Variants in PRCC observed in about 807,000 individuals in gnomAD.
PRCC encodes proline-rich protein PRCC.
In PRCC, 10 loss-of-function variants were observed where a neutral mutation model predicts 44.0. The observed-to-expected ratio is 0.23, with a 90% CI of 0.14 to 0.39. PRCC has a LOEUF of 0.39. Ranked by LOEUF, PRCC falls within the 10% of genes least tolerant of loss-of-function variation. The pLI is 1.00. For missense variants in PRCC, 573 were observed against 624.7 expected (o/e 0.92, Z 0.88); for synonymous variants, 278 against 259.5 (o/e 1.07, Z -0.69).
At chr1:156,789,759 C>G (rs1354443281) in intron 3 of PRCC, among the ~76,000 whole-genome samples, 1 of 152,156 alleles carries the variant, frequency 6.6e-6, no homozygotes, top group Non-Finnish European at 1.5e-5. Context: ...CAGAGCAACT[C>G]AAAGCGTTGC....
intron 5 of PRCC, among the ~76,000 whole-genome samples, 186 bp downstream of exon 5, chr1:156,794,994 C>T (rs1414594579): frequency 6.6e-6 from 1 of 152,142 alleles, no homozygotes; most frequent in African/African-American, 2.4e-5. Flanking sequence ...TAGAACTTTG[C>T]AGGACTTTAA....
At chr1:156,786,463 G>C in intron 2 of PRCC, 145 bp from the exon 3 acceptor site, 1 of 817,016 alleles carries the variant, frequency 1.2e-6, no homozygotes, top group Non-Finnish European at 1.9e-6. Context: ...TAGGTGGTCT[G>C]AGTGGACGGA....
At chr1:156,797,916 A>C (rs571893425) in intron 6 of PRCC, among the ~76,000 whole-genome samples, 1 of 152,326 alleles carries the variant, frequency 6.6e-6, no homozygotes, top group African/African-American at 2.4e-5. Flanking sequence ...CCAGCACCCT[A>C]AACAGTCAAA....
chr1:156,786,738 A>C lies in PRCC; in HGVS notation c.647A>C (p.Lys216Thr), dbSNP rs1311752988. 18 of 1,614,132 alleles carry C rather than the reference A, an allele frequency of 1.1e-5. No homozygotes were observed. The highest frequency in any genetic ancestry group is 1.5e-5 in the Non-Finnish European group (18 of 1,180,022). ...RKPSDGSPDT[K>T]PSRLASKTKT... ...CCCTCGGATGGCTCCCCTGATACTA[A>C]GCCCTCCAGACTGGCTTCTAAGACC... The change falls in exon 3 of 7, where the codon AAG (lysine) becomes ACG (threonine). Residue 216 changes from lysine to threonine, a missense_variant. Transcript: ENST00000271526.
intron 1 of PRCC, among the ~76,000 whole-genome samples, chr1:156,775,487 A>ATT (rs371221091): frequency 2.4e-3 from 356 of 150,204 alleles, no homozygotes; most frequent in African/African-American, 8.1e-3. Flanking sequence ...AGTAGCTGGG[A>ATT]TTACAGGCAC....
chr1:156,796,250 TAGC>T lies in PRCC; in HGVS notation c.1324-1021_1324-1019del, dbSNP rs1208539516. On this transcript the variant is annotated intron_variant, in intron 5 of 6. Coordinates refer to ENST00000271526, the MANE Select transcript of PRCC (RefSeq NM_005973.5). ...AACTGTCACATTAAATGACATTAAA[TAGC>T]AGCAAGCAATTAGTATTTGCTATTT... The T allele has an allele frequency of 3.9e-5, 6 of 152,372 alleles. No individual in the cohort carries two copies. In the East Asian group the frequency reaches 7.7e-4, roughly 20 times the overall value. 9.4% of individuals were successfully genotyped at this position (152,372 alleles called of 1,614,324 possible).
chr1:156,776,719 G>A (rs1408604454), intron 1 of PRCC, among the ~76,000 whole-genome samples: 2 of 152,114 alleles, frequency 1.3e-5, no homozygotes, highest in African/African-American at 4.8e-5. Flanking sequence ...GGTAAAATTT[G>A]TTTATTTCAG....
At chr1:156,789,731 A>C (rs1652411339) in intron 3 of PRCC, among the ~76,000 whole-genome samples, 1 of 152,234 alleles carries the variant, frequency 6.6e-6, no homozygotes, top group Non-Finnish European at 1.5e-5. Flanking sequence ...CAGATTCTTC[A>C]GGTGTAAAAT....
At chr1:156,768,754 G>A (rs1015692171) in intron 1 of PRCC, among the ~76,000 whole-genome samples, 1 of 152,182 alleles carries the variant, frequency 6.6e-6, no homozygotes, top group African/African-American at 2.4e-5. Context: ...TATTTGTTTA[G>A]TGCAGATCAT....
At chr1:156,800,294 T>G (rs1652791716) in intron 6 of PRCC, 80 bp from the exon 7 acceptor site, 2 of 1,329,890 alleles carry the variant, frequency 1.5e-6, no homozygotes, top group African/African-American at 2.9e-5. Context: ...GATTTTAAAT[T>G]GGGAAGCTCA....
intron 2 of PRCC, among the ~76,000 whole-genome samples, chr1:156,782,848 C>A (rs905842871): frequency 6.6e-6 from 1 of 152,120 alleles, no homozygotes; most frequent in South Asian, 2.1e-4. Flanking sequence ...GGAACTTGCC[C>A]AAGATCAGAC....
At chr1:156,780,823 G>A (rs1334115685) in intron 1 of PRCC, among the ~76,000 whole-genome samples, 2 of 151,784 alleles carry the variant, frequency 1.3e-5, no homozygotes, top group African/African-American at 4.8e-5. Flanking sequence ...TGCTTCCGCG[G>A]TTCAAGCATT....
At chr1:156,789,853 G>A (rs111408982) in intron 3 of PRCC, among the ~76,000 whole-genome samples, 3,400 of 152,308 alleles carry the variant, frequency 0.022, 52 homozygotes, top group Non-Finnish European at 0.034. Context: ...TTTTATTCAC[G>A]TTGTATTCAC....
intron 2 of PRCC, among the ~76,000 whole-genome samples, chr1:156,782,774 T>G (rs941145295): frequency 6.6e-6 from 1 of 152,214 alleles, no homozygotes; most frequent in Non-Finnish European, 1.5e-5. Context: ...TTAATTGATT[T>G]CATCCTCATG....
chr1:156,800,578 C>A lies in PRCC; in HGVS notation c.*118C>A. ...GGATCTCTTTCCCCAAGGACCCAGC[C>A]CTCGCCTCTGCGAGAATGAACATAT... is the stretch of plus-strand genomic sequence containing the variant. On this transcript the variant is annotated 3_prime_UTR_variant, in exon 7 of 7. Coordinates refer to ENST00000271526, the MANE Select transcript of PRCC (RefSeq NM_005973.5). 1 of 987,390 alleles carries A rather than the reference C, an allele frequency of 1.0e-6. No individual in the cohort carries two copies. The highest frequency in any genetic ancestry group is 1.6e-6 in the Non-Finnish European group (1 of 639,288). 61.2% of individuals were successfully genotyped at this position (987,390 alleles called of 1,614,324 possible). A position where few individuals can be genotyped will look rare whatever the true frequency, so the allele number is the denominator to read the frequency against.
intron 4 of PRCC, 74 bp downstream of exon 4, chr1:156,791,866 T>TA (rs1326161685): frequency 3.7e-6 from 5 of 1,368,434 alleles, no homozygotes; most frequent in South Asian, 2.5e-5. Flanking sequence ...CAAAGGAAAT[T>TA]AAAAAAACAC....
chr1:156,784,227 G>A (rs1029952243), intron 2 of PRCC, among the ~76,000 whole-genome samples: 1 of 152,162 alleles, frequency 6.6e-6, no homozygotes, highest in Admixed American at 6.5e-5. Context: ...AATTATAGGC[G>A]TGAGCCACCG....
rs920985356 is a variant in PRCC, at chr1:156,767,838, G to A, written c.67G>A (p.Glu23Lys). ...GGATGAGGCTGAGCCCGAGCCGGAG[G>A]AAGAGGAGGCGGTGGCTCCTACATC... The part of the protein sequence containing the change: ...EPDEAEPEPE[E>K]EEAVAPTSGP... Residue 23 changes from glutamate to lysine, a missense_variant, in exon 1 of 7, where the codon GAA (glutamate) becomes AAA (lysine). This residue lies in a region of PRCC where 245 missense variants were observed against 188.5 expected (regional missense o/e 1.30). Transcript: ENST00000271526. 26 of 1,610,542 alleles carry A rather than the reference G, an allele frequency of 1.6e-5. No individual in the cohort carries two copies. The highest frequency in any genetic ancestry group is 2.2e-5 in the Non-Finnish European group (26 of 1,179,172).
At chr1:156,791,916 C>T in intron 4 of PRCC, 124 bp downstream of exon 4, 1 of 865,092 alleles carries the variant, frequency 1.2e-6, no homozygotes, top group Non-Finnish European at 1.8e-6. Flanking sequence ...ATTAGGTTGG[C>T]AACATGTAAT....
Sources: allele counts gnomAD v4.1 joint callset (sites outside exome capture counted in the v4.1 genomes callset), GRCh38; gene constraint gnomAD v4.1.1; regional missense constraint gnomAD v4.1.1; transcripts MANE v1.5; gene names NCBI Gene and HGNC (gene_info 2026-07-23, HGNC 2026-07-21).